Variants in HERC3 observed in about 807,000 individuals in gnomAD.
HERC3 encodes the protein probable E3 ubiquitin-protein ligase HERC3.
Under a neutral mutation model 129.9 loss-of-function variants are expected in HERC3, and 58 were observed. That is an observed-to-expected ratio of 0.45 (90% CI 0.36 to 0.56). HERC3 has a LOEUF of 0.56. Among genes scored for constraint, HERC3 ranks in the 20% least tolerant of loss-of-function variants. The pLI is 0.00. For synonymous variants in HERC3, 430 were observed against 451.0 expected (o/e 0.95, Z 0.59); for missense variants, 835 against 1,244.2 (o/e 0.67, Z 4.95).
intron 3 of HERC3, among the ~76,000 whole-genome samples, chr4:88,625,685 T>C (rs368528426): frequency 1.4e-4 from 22 of 152,334 alleles, no homozygotes; most frequent in Admixed American, 1.0e-3. Flanking sequence ...TTTACTGGTA[T>C]AGTAATGAAT....
At chr4:88,699,312 C>T (rs1176032496) in intron 23 of HERC3, among the ~76,000 whole-genome samples, 1 of 55,176 alleles carries the variant, frequency 1.8e-5, no homozygotes, top group East Asian at 7.6e-4. Context: ...CAGCCCCACC[C>T]TCTTCCTCCC....
chr4:88,554,626 A>G, the HERC3 span, among the ~76,000 whole-genome samples: 1 of 152,232 alleles, frequency 6.6e-6, no homozygotes, highest in Non-Finnish European at 1.5e-5. Flanking sequence ...AATGGAAGAT[A>G]CACAGAGCTA....
chr4:88,530,245 G>A, the HERC3 span, among the ~76,000 whole-genome samples: 6 of 151,636 alleles, frequency 4.0e-5, no homozygotes, highest in African/African-American at 9.7e-5. Flanking sequence ...AGCCAAGATC[G>A]TGCCACTGCA....
chr4:88,706,963 C>T lies in HERC3; in HGVS notation c.*3C>T. 1 of 1,611,156 alleles carries T rather than the reference C, an allele frequency of 6.2e-7. No homozygotes were observed. On this transcript the variant is annotated 3_prime_UTR_variant, in exon 26 of 26. Transcript: ENST00000402738. The stretch of plus-strand genomic sequence containing the variant: ...ATGAAGGGTTTAGTTTGGCCTGAGG[C>T]TTCTCAGCTTGTCCAGTATTTCCCT...
chr4:88,534,852 T>C, the HERC3 span, among the ~76,000 whole-genome samples: 3 of 152,238 alleles, frequency 2.0e-5, no homozygotes, highest in Non-Finnish European at 2.9e-5. Flanking sequence ...TTTCAATGAC[T>C]GTTCAGGTTG....
chr4:88,666,405 A>G (rs1731050303), intron 12 of HERC3, among the ~76,000 whole-genome samples: 1 of 152,210 alleles, frequency 6.6e-6, no homozygotes, highest in Non-Finnish European at 1.5e-5. Flanking sequence ...ATGGGAAACC[A>G]GAATTCATTT....
At chr4:88,620,496 GA>G (rs1397920802) in intron 3 of HERC3, among the ~76,000 whole-genome samples, 3 of 152,014 alleles carry the variant, frequency 2.0e-5, no homozygotes, top group Non-Finnish European at 2.9e-5. Flanking sequence ...AATTTTTCAA[GA>G]AAACCCCCAT....
At position 88,601,885 on chromosome 4, in the gene HERC3, T is replaced by G. The variant is rs564102470; in HGVS notation, c.-29-3910T>G. 2.6e-4 allele frequency among the ~76,000 whole-genome samples: 29 copies of G among 109,664 alleles called. 1 individual carries two copies. The highest frequency in any genetic ancestry group is 4.2e-4 in the Non-Finnish European group (26 of 62,304). 71.9% of individuals were successfully genotyped at this position (109,664 alleles called of 152,430 possible). On this transcript the variant is annotated intron_variant, in intron 2 of 25. Coordinates refer to ENST00000402738, the MANE Select transcript of HERC3 (RefSeq NM_014606.3). ...TCCCGGCTAAAACGGTGAAACCCCG[T>G]CTCTACTAAAAATACAAAAAATTAG...
chr4:88,545,430 C>CCTTTTTTTTT, the HERC3 span, among the ~76,000 whole-genome samples: 33 of 110,390 alleles, frequency 3.0e-4, 1 homozygote, highest in East Asian at 2.4e-3. Flanking sequence ...TTTGAGAATT[C>CCTTTTTTTTT]TTTTTTTTTT....
chr4:88,610,453 CAAAAAAA>C (rs10616395), intron 3 of HERC3, among the ~76,000 whole-genome samples: 25 of 122,516 alleles, frequency 2.0e-4, no homozygotes, highest in Non-Finnish European at 3.7e-4. Context: ...GACTCCGTCT[CAAAAAAA>C]AAAAAAAAAA....
At chr4:88,653,213 T>C (rs1344819776) in intron 6 of HERC3, 123 bp downstream of exon 6, 6 of 911,618 alleles carry the variant, frequency 6.6e-6, no homozygotes, top group Non-Finnish European at 1.0e-5. Flanking sequence ...GTGAACACAA[T>C]AGAGAACATC....
the HERC3 span, among the ~76,000 whole-genome samples, chr4:88,552,294 A>G: frequency 1.3e-5 from 2 of 151,358 alleles, no homozygotes; most frequent in Non-Finnish European, 2.9e-5. Context: ...AAAAAAAAAA[A>G]GTCTCGTTTT....
intron 20 of HERC3, 34 bp from the exon 21 acceptor site, chr4:88,681,125 T>A: frequency 6.4e-7 from 1 of 1,552,974 alleles, no homozygotes. Context: ...AACATTGCAT[T>A]TCTTTTTAAC....
chr4:88,528,409 C>T, the HERC3 span, among the ~76,000 whole-genome samples: 1 of 152,118 alleles, frequency 6.6e-6, no homozygotes, highest in Non-Finnish European at 1.5e-5. Flanking sequence ...AAGGTGGTAA[C>T]AGTAATACTT....
intron 3 of HERC3, among the ~76,000 whole-genome samples, chr4:88,617,175 CAAAAAAAAAAA>C (rs1162260456): frequency 6.3e-5 from 2 of 31,860 alleles, no homozygotes; most frequent in South Asian, 1.1e-3. Context: ...ACCCTGTCTC[CAAAAAAAAAAA>C]AAAAAAAAAA....
chr4:88,558,296 T>TAC, the HERC3 span, among the ~76,000 whole-genome samples: 76 of 152,216 alleles, frequency 5.0e-4, no homozygotes, highest in African/African-American at 1.5e-3. Flanking sequence ...GTGGTATATA[T>TAC]ACACCATGGA....
the HERC3 span, among the ~76,000 whole-genome samples, chr4:88,575,491 G>A: frequency 2.0e-5 from 3 of 152,206 alleles, no homozygotes; most frequent in Admixed American, 2.0e-4. Flanking sequence ...CAAGGCTGCA[G>A]TGCTTTTAAG....
In HERC3 at chr4:88,662,551, A is replaced by G. The variant is rs752230142; in HGVS notation, c.1267A>G (p.Ile423Val). 4.4e-6 allele frequency: 7 copies of G among 1,605,098 alleles called. No homozygotes were observed. The highest frequency in any genetic ancestry group is 3.4e-5 in the South Asian group (3 of 88,578). The change falls in exon 11 of 26, where the codon ATC becomes GTC. Residue 423 changes from isoleucine (I) to valine (V), a missense_variant. Transcript: ENST00000402738. Reference protein sequence around the residue: ...KLSEHNNANTINGVVQILSSA... With the variant: ...KLSEHNNANTVNGVVQILSSA... ...CTCAGAACACAACAATGCAAATACA[A>G]TCAAGTATGTGGCTGCTTGTCTTCA...
At chr4:88,610,453 C>CA (rs10616395) in intron 3 of HERC3, among the ~76,000 whole-genome samples, 81,679 of 122,308 alleles carry the variant, frequency 0.67, 28,405 homozygotes, top group Non-Finnish European at 0.79. Flanking sequence ...GACTCCGTCT[C>CA]AAAAAAAAAA....
Sources: gnomAD v4.1 joint callset for allele counts (sites outside exome capture counted in the v4.1 genomes callset) on GRCh38, gnomAD v4.1.1 for gene constraint, MANE v1.5 for transcripts, NCBI Gene and HGNC (gene_info 2026-07-23, HGNC 2026-07-21) for gene names.